The following DNAH11 variants were observed in gnomAD, a reference collection of about 807,000 sequenced individuals.
DNAH11 encodes axonemal beta dynein heavy chain 11.
A neutral mutation model predicts 526.0 loss-of-function variants in DNAH11; 442 were observed. The ratio of observed to expected loss-of-function variants is 0.84; its 90% CI spans 0.78 to 0.91. DNAH11 has a LOEUF of 0.91. DNAH11 is among the 40% of genes least tolerant of loss of function. The pLI is 0.00. For synonymous variants in DNAH11, 2,461 were observed against 1,935.9 expected (o/e 1.27, Z -7.12); for missense variants, 6,989 against 5,448.7 (o/e 1.28, Z -8.90).
chr7:21,543,320 C>T lies in DNAH11; in HGVS notation c.75C>T (p.Ala25=). 1.3e-6 allele frequency: 2 copies of T among 1,550,198 alleles called. No individual in the cohort carries two copies. The highest frequency in any genetic ancestry group is 8.7e-7 in the Non-Finnish European group (1 of 1,146,474). Residue 25 remains alanine (A), a synonymous_variant, in exon 1 of 82, where the codon GCC becomes GCT. Transcript: ENST00000409508. The part of the protein sequence containing the change: ...EAPTLRLTSG[A]GLEAVGAVEL... ...CGACCCTTCGCCTAACCTCGGGGGC[C>T]GGCCTGGAGGCAGTGGGCGCTGTGG...
chr7:21,671,464 G>A (rs1782639440), intron 30 of DNAH11, among the ~76,000 whole-genome samples: 1 of 152,150 alleles, frequency 6.6e-6, no homozygotes, highest in Non-Finnish European at 1.5e-5. Flanking sequence ...TGCTATTTCA[G>A]TATTATCCTC....
rs554530514 is a variant in DNAH11 at position 21,630,000 on chromosome 7, A to G, written c.4501-5871A>G. Among the ~76,000 whole-genome samples, 4 of 151,808 alleles carry G rather than the reference A, an allele frequency of 2.6e-5. No individual in the cohort carries two copies. In the South Asian group the frequency reaches 8.3e-4, roughly 32 times the overall value. On this transcript the variant is annotated intron_variant, in intron 25 of 81. Transcript: ENST00000409508. ...TGTAATTTTTCTTTTTTACTTTTTT[A>G]CTGCCTTCCTTTATTGTTAAGTGAT...
chr7:21,678,171 A>ATT (rs1782979687), intron 30 of DNAH11, among the ~76,000 whole-genome samples: 21 of 130,642 alleles, frequency 1.6e-4, no homozygotes, highest in Middle Eastern at 4.5e-3. Context: ...AGCTTTTCCC[A>ATT]CTTTTTTTTT....
rs990738424 is a variant in DNAH11 at position 21,610,725 on chromosome 7, A to C, written c.3852+3992A>C. 2.0e-5 allele frequency among the ~76,000 whole-genome samples: 3 copies of C among 152,212 alleles called. No individual in the cohort carries two copies. The South Asian group carries it at 6.2e-4, about 32-fold the overall frequency. On this transcript the variant is annotated intron_variant, in intron 20 of 81. Transcript: ENST00000409508. ...ATACAGTTGTGAAAAAAAAAATACA[A>C]CTCAGCAGATGGGTTAAAGAGCTCA...
At chr7:21,592,332 A>G (rs185457012) in intron 14 of DNAH11, among the ~76,000 whole-genome samples, 17 of 152,334 alleles carry the variant, frequency 1.1e-4, no homozygotes, top group African/African-American at 3.6e-4. Context: ...CAGAGAACTG[A>G]CAGGGAACAA....
At chr7:21,809,427 A>G (rs1462950860) in intron 63 of DNAH11, among the ~76,000 whole-genome samples, 3 of 151,918 alleles carry the variant, frequency 2.0e-5, no homozygotes, top group African/African-American at 4.9e-5. Context: ...GGTCTTAACC[A>G]AAAAATCTTT....
At chr7:21,581,158 G>A (rs1276680212) in intron 8 of DNAH11, among the ~76,000 whole-genome samples, 1 of 152,178 alleles carries the variant, frequency 6.6e-6, no homozygotes, top group Non-Finnish European at 1.5e-5. Flanking sequence ...AGAAATCTGT[G>A]GTGTGTACTT....
At position 21,735,656 on chromosome 7, in the gene DNAH11, C is replaced by T. The variant is rs375113595; in HGVS notation, c.7457C>T (p.Thr2486Ile). The T allele has an allele frequency of 3.8e-6, 6 of 1,594,742 alleles. No homozygotes were observed. The highest frequency in any genetic ancestry group is 2.2e-5 in the East Asian group (1 of 44,450). ...TCCTCCCAGACAGTTCTCGTTCACA[C>T]AACAGAGACAGCTCGTCTTAGATAT... is the stretch of plus-strand genomic sequence containing the variant. ...DVPLQTVLVH[T>I]TETARLRYFM... is the part of the protein sequence containing the mutation. Residue 2486 changes from threonine (T) to isoleucine (I), a missense_variant, in exon 46 of 82, where the codon ACA (threonine) becomes ATA (isoleucine). Coordinates refer to ENST00000409508, the MANE Select transcript of DNAH11 (RefSeq NM_001277115.2).
At chr7:21,619,652 A>C (rs76773540) in intron 24 of DNAH11, among the ~76,000 whole-genome samples, 48 of 152,302 alleles carry the variant, frequency 3.2e-4, no homozygotes, top group South Asian at 1.2e-3. Context: ...ATGCTGGCTA[A>C]TTTGTAAATA....
intron 28 of DNAH11, among the ~76,000 whole-genome samples, chr7:21,655,388 A>G (rs1375776776): frequency 1.3e-5 from 2 of 152,208 alleles, no homozygotes; most frequent in East Asian, 1.9e-4. Context: ...GTTAACAGAT[A>G]ATCTCCCCCA....
chr7:21,849,450 A>G (rs1477145027), intron 66 of DNAH11, among the ~76,000 whole-genome samples: 6 of 151,980 alleles, frequency 3.9e-5, no homozygotes. Context: ...GACCTATATC[A>G]TTTTTCTTGT....
Position 21,901,322 on chromosome 7 carries a change from G to GTTCCCATGCACATTA in DNAH11, c.*72_*86dup. The stretch of plus-strand genomic sequence containing the variant: ...GGATTTTCTAGCATGTTGCTGCACT[G>GTTCCCATGCACATTA]TTCCCATGCACATTATTCTAACTTT... On this transcript the variant is annotated 3_prime_UTR_variant, in exon 82 of 82. Transcript: ENST00000409508. 6.7e-7 allele frequency: 1 copy of GTTCCCATGCACATTA among 1,489,524 alleles called. No homozygotes were observed. Among genetic ancestry groups the GTTCCCATGCACATTA allele is most frequent in the Non-Finnish European group, 8.9e-7 (1 of 1,118,786 alleles). The allele number at this position is 1,489,524 out of a possible 1,614,324, so 92.3% of individuals were successfully genotyped here.
chr7:21,768,695 G>C (rs1377474873), intron 55 of DNAH11, among the ~76,000 whole-genome samples: 1 of 152,172 alleles, frequency 6.6e-6, no homozygotes, highest in African/African-American at 2.4e-5. Flanking sequence ...AGCTTGTGAA[G>C]GACATATTTT....
chr7:21,647,447 T>TG (rs1787407931), intron 28 of DNAH11, among the ~76,000 whole-genome samples: 11 of 147,760 alleles, frequency 7.4e-5, no homozygotes, highest in Admixed American at 7.4e-4. Flanking sequence ...TTTTTTTTTT[T>TG]GAGACAGAGT....
At chr7:21,874,446 C>T (rs1157636498) in intron 74 of DNAH11, among the ~76,000 whole-genome samples, 4 of 151,990 alleles carry the variant, frequency 2.6e-5, no homozygotes, top group Non-Finnish European at 5.9e-5. Flanking sequence ...AGCGATTCTC[C>T]TGCCTCAGCC....
intron 25 of DNAH11, among the ~76,000 whole-genome samples, chr7:21,626,502 T>G (rs1044098997): frequency 1.3e-5 from 2 of 152,266 alleles, no homozygotes; most frequent in East Asian, 3.9e-4. Flanking sequence ...ATTACATTTT[T>G]CGTTCTTTGA....
chr7:21,620,385 C>T (rs1033117785), intron 25 of DNAH11, among the ~76,000 whole-genome samples: 2 of 151,938 alleles, frequency 1.3e-5, no homozygotes, highest in Non-Finnish European at 2.9e-5. Context: ...CTCCTCTTGC[C>T]CCCTCCCCCC....
chr7:21,845,376 A>G (rs537302917), intron 66 of DNAH11, among the ~76,000 whole-genome samples: 1 of 151,742 alleles, frequency 6.6e-6, no homozygotes. Flanking sequence ...ATTTTGAGTT[A>G]ATTTTTGTAC....
At chr7:21,852,221 GT>G in intron 66 of DNAH11, among the ~76,000 whole-genome samples, 1 of 151,884 alleles carries the variant, frequency 6.6e-6, no homozygotes, top group African/African-American at 2.4e-5. Flanking sequence ...CTTGACCAAC[GT>G]GGTGAAACCC....
Sources: allele counts gnomAD v4.1 joint callset (sites outside exome capture counted in the v4.1 genomes callset), GRCh38; gene constraint gnomAD v4.1.1; transcripts MANE v1.5; gene names NCBI Gene and HGNC (gene_info 2026-07-23, HGNC 2026-07-21).